The following DCAF17 variants were observed in gnomAD, a reference collection of about 807,000 sequenced individuals.
DCAF17 encodes DDB1- and CUL4-associated factor 17.
A neutral mutation model predicts 66.0 loss-of-function variants in DCAF17; 48 were observed. The ratio of observed to expected loss-of-function variants is 0.73; its 90% CI spans 0.58 to 0.92. DCAF17 has a LOEUF of 0.92. DCAF17 is among the 40% of genes least tolerant of loss of function. The pLI is 0.00. For synonymous variants in DCAF17, 206 were observed against 214.6 expected (o/e 0.96, Z 0.35); for missense variants, 562 against 622.8 (o/e 0.90, Z 1.04).
chr2:171,472,554 T>A (rs1421551683), intron 9 of DCAF17, among the ~76,000 whole-genome samples: 1 of 152,244 alleles, frequency 6.6e-6, no homozygotes. Context: ...AAGGCTCATT[T>A]CAACCTTTTT....
intron 9 of DCAF17, among the ~76,000 whole-genome samples, chr2:171,470,077 G>T (rs774097348): frequency 6.6e-6 from 1 of 151,590 alleles, no homozygotes; most frequent in Non-Finnish European, 1.5e-5. Context: ...AGCCTAGAGT[G>T]CAGTGGCACA....
intron 8 of DCAF17, among the ~76,000 whole-genome samples, chr2:171,466,925 CTT>C: frequency 6.6e-6 from 1 of 150,726 alleles, no homozygotes; most frequent in East Asian, 1.9e-4. Flanking sequence ...GTGTATTTCT[CTT>C]ATAATTTACC....
chr2:171,485,008 T>C lies in DCAF17; in HGVS notation c.*3894T>C, dbSNP rs1696892241. 4.4e-6 allele frequency: 2 copies of C among 453,942 alleles called. No individual in the cohort carries two copies. Among genetic ancestry groups the C allele is most frequent in the Non-Finnish European group, 8.8e-6 (2 of 226,786 alleles). The allele number at this position is 453,942 out of a possible 1,614,324, so 28.1% of individuals were successfully genotyped here. On this transcript the variant is annotated 3_prime_UTR_variant, in exon 14 of 14. Transcript: ENST00000375255. Reference sequence around the variant, plus strand: ...ATGGACACTGGGCTCTTTCTGCTTGTTTTTTACTGTTATGAATAAAGCTGC... The same window carrying C: ...ATGGACACTGGGCTCTTTCTGCTTGCTTTTTACTGTTATGAATAAAGCTGC...
intron 9 of DCAF17, among the ~76,000 whole-genome samples, chr2:171,470,578 C>T (rs558293396): frequency 3.2e-4 from 49 of 152,262 alleles, no homozygotes; most frequent in African/African-American, 1.1e-3. Flanking sequence ...AGCCCAGTGA[C>T]GTTCTCTTTT....
Position 171,482,265 on chromosome 2 carries a change from A to C in DCAF17, c.*1151A>C, listed in dbSNP as rs769039613. The C allele has an allele frequency of 2.2e-6, 1 of 453,970 alleles. No homozygotes were observed. The highest frequency in any genetic ancestry group is 4.4e-6 in the Non-Finnish European group (1 of 226,718). The allele number at this position is 453,970 out of a possible 1,614,324, so 28.1% of individuals were successfully genotyped here. A position where few individuals can be genotyped will look rare whatever the true frequency, so the allele number is the denominator to read the frequency against. On this transcript the variant is annotated 3_prime_UTR_variant, in exon 14 of 14. Coordinates refer to ENST00000375255, the MANE Select transcript of DCAF17 (RefSeq NM_025000.4). ...TGTAACCTCAAAAGAATAACTGGTAATAAGGGAAGGAAACAGCAGCAACAA... is the reference window on the plus strand; with the variant it reads ...TGTAACCTCAAAAGAATAACTGGTACTAAGGGAAGGAAACAGCAGCAACAA...
intron 8 of DCAF17, among the ~76,000 whole-genome samples, chr2:171,460,642 T>A (rs1270671597): frequency 6.6e-6 from 1 of 152,062 alleles, no homozygotes; most frequent in Non-Finnish European, 1.5e-5. Flanking sequence ...GTGATCATCC[T>A]ACATTAGCCT....
chr2:171,446,153 G>A (rs1001861137), intron 3 of DCAF17, among the ~76,000 whole-genome samples: 2 of 152,072 alleles, frequency 1.3e-5, no homozygotes, highest in South Asian at 2.1e-4. Context: ...AAGGAACATT[G>A]TTTGTTTTCT....
intron 2 of DCAF17, 29 bp from the exon 3 acceptor site, chr2:171,443,494 A>G (rs761646871): frequency 6.4e-7 from 1 of 1,571,606 alleles, no homozygotes; most frequent in South Asian, 1.1e-5. Flanking sequence ...TATCAAGAAT[A>G]ATAATCATTT....
At chr2:171,445,149 C>T (rs569351632) in intron 3 of DCAF17, among the ~76,000 whole-genome samples, 10 of 149,372 alleles carry the variant, frequency 6.7e-5, no homozygotes, top group South Asian at 2.1e-4. Flanking sequence ...TTTTTTGAGA[C>T]GGTCTCTCTT....
intron 7 of DCAF17, 57 bp downstream of exon 7, chr2:171,458,132 T>C: frequency 2.0e-6 from 3 of 1,473,642 alleles, no homozygotes; most frequent in Non-Finnish European, 2.8e-6. Context: ...GACTAAAGTA[T>C]GATTTTTTTT....
intron 9 of DCAF17, among the ~76,000 whole-genome samples, chr2:171,469,395 C>T (rs560037343): frequency 1.2e-4 from 18 of 152,290 alleles, no homozygotes; most frequent in Middle Eastern, 3.4e-3. Flanking sequence ...TGCTTCTCCA[C>T]GGCTTGTTGC....
intron 2 of DCAF17, among the ~76,000 whole-genome samples, chr2:171,436,869 G>A (rs1304526937): frequency 6.6e-6 from 1 of 151,506 alleles, no homozygotes; most frequent in African/African-American, 2.4e-5. Flanking sequence ...CCACCTTCCG[G>A]GTTCAGGTGA....
chr2:171,478,180 A>T, intron 12 of DCAF17, 110 bp downstream of exon 12: 1 of 945,586 alleles, frequency 1.1e-6, no homozygotes, highest in Non-Finnish European at 1.7e-6. Flanking sequence ...GAGGGGTTGC[A>T]GGCAGGCCAG....
chr2:171,465,683 C>A lies in DCAF17; in HGVS notation c.839-3205C>A, dbSNP rs530128726. Among the ~76,000 whole-genome samples the A allele has an allele frequency of 4.1e-4, 62 of 152,184 alleles. No individual in the cohort carries two copies. The South Asian group carries it at 9.8e-3, about 24-fold the overall frequency. Reference sequence around the variant, plus strand: ...TATTCTTAGTAGAGGTGGGGTTTTGCCACCTTGGCCAGGCTGGTCTTGAAC... The same window carrying A: ...TATTCTTAGTAGAGGTGGGGTTTTGACACCTTGGCCAGGCTGGTCTTGAAC... On this transcript the variant is annotated intron_variant, in intron 8 of 13. Coordinates refer to ENST00000375255, the MANE Select transcript of DCAF17 (RefSeq NM_025000.4).
chr2:171,482,820 A>G lies in DCAF17; in HGVS notation c.*1706A>G. ...CTTTTTTGCTGGGGGTAGATGGTGG[A>G]ATACTTCTGGTCTAGATATAACTTA... On this transcript the variant is annotated 3_prime_UTR_variant, in exon 14 of 14. Coordinates refer to ENST00000375255, the MANE Select transcript of DCAF17 (RefSeq NM_025000.4). 1 of 454,078 alleles carries G rather than the reference A, an allele frequency of 2.2e-6. No individual in the cohort carries two copies. 28.1% of individuals were successfully genotyped at this position (454,078 alleles called of 1,614,324 possible). A position where few individuals can be genotyped will look rare whatever the true frequency, so the allele number is the denominator to read the frequency against.
rs781164465 is a variant in DCAF17 at position 171,443,619 on chromosome 2, A to G, written c.321+6A>G. On this transcript the variant is annotated splice_donor_region_variant and intron_variant, in intron 3 of 13. Coordinates refer to ENST00000375255, the MANE Select transcript of DCAF17 (RefSeq NM_025000.4). The stretch of plus-strand genomic sequence containing the variant: ...TATTATGGGAATGCCCAGTGGTAAG[A>G]TTTGTTTTTAGAGCGTTTGTTTCTA... 34 of 1,610,776 alleles carry G rather than the reference A, an allele frequency of 2.1e-5. No individual in the cohort carries two copies. The highest frequency in any genetic ancestry group is 2.8e-5 in the Non-Finnish European group (33 of 1,177,490).
chr2:171,446,614 G>T (rs1351206828), intron 3 of DCAF17, among the ~76,000 whole-genome samples: 3 of 152,018 alleles, frequency 2.0e-5, no homozygotes, highest in Non-Finnish European at 2.9e-5. Context: ...AAACATTCAG[G>T]AAATTCTCTA....
chr2:171,478,175 G>GT (rs1317356763), intron 12 of DCAF17, 105 bp downstream of exon 12: 1 of 1,032,172 alleles, frequency 9.7e-7, no homozygotes, highest in Non-Finnish European at 1.5e-6. Context: ...GGGTTGAGGG[G>GT]TTGCAGGCAG....
chr2:171,443,005 T>TGC (rs1694394218), intron 2 of DCAF17: 2 of 152,688 alleles, frequency 1.3e-5, no homozygotes, highest in African/African-American at 4.8e-5. Context: ...ATAAATTTAC[T>TGC]CAACCTTTCT....
Sources: gnomAD v4.1 joint callset for allele counts (sites outside exome capture counted in the v4.1 genomes callset) on GRCh38, gnomAD v4.1.1 for gene constraint, MANE v1.5 for transcripts, NCBI Gene and HGNC (gene_info 2026-07-23, HGNC 2026-07-21) for gene names.